The following MSI2 variants were observed in gnomAD, a reference collection of about 807,000 sequenced individuals.
MSI2 encodes the protein musashi RNA binding protein 2, also known as RNA-binding protein Musashi homolog 2.
Under a neutral mutation model 45.6 loss-of-function variants are expected in MSI2, and 17 were observed. The observed-to-expected ratio is 0.37, with a 90% CI of 0.26 to 0.56. The LOEUF is 0.56. Among genes scored for constraint, MSI2 ranks in the 20% least tolerant of loss-of-function variants. MSI2 has a pLI of 0.77. For synonymous variants in MSI2, 156 were observed against 158.2 expected (o/e 0.99, Z 0.11); for missense variants, 293 against 444.2 (o/e 0.66, Z 3.06).
chr17:57,331,649 T>C (rs1233958121), intron 5 of MSI2, among the ~76,000 whole-genome samples: 1 of 152,198 alleles, frequency 6.6e-6, no homozygotes, highest in Non-Finnish European at 1.5e-5. Flanking sequence ...CTGCATTTCA[T>C]GTGACCGGCA....
chr17:57,417,279 G>T (rs916356187), intron 6 of MSI2, among the ~76,000 whole-genome samples: 1 of 152,170 alleles, frequency 6.6e-6, no homozygotes, highest in Non-Finnish European at 1.5e-5. Flanking sequence ...AGAGGAGGAA[G>T]CCCAGAGTGT....
chr17:57,422,744 C>T (rs571677615), intron 6 of MSI2, among the ~76,000 whole-genome samples: 7 of 152,306 alleles, frequency 4.6e-5, no homozygotes, highest in East Asian at 3.9e-4. Context: ...ATCAGTACAG[C>T]GTAAATCACC....
In MSI2 at chr17:57,256,625, G is replaced by T. The variant is rs1462484920; in HGVS notation, c.-118G>T. ...GAGAGATTCGGAGGAGCCCGGGCGG[G>T]GGGGAGGAGGAGGGGGAGGAGGGAG... On this transcript the variant is annotated 5_prime_UTR_variant, in exon 1 of 14. Coordinates refer to ENST00000284073, the MANE Select transcript of MSI2 (RefSeq NM_138962.4). The T allele has an allele frequency of 4.4e-6, 2 of 456,214 alleles. No homozygotes were observed. The highest frequency in any genetic ancestry group is 8.8e-5 in the Admixed American group (2 of 22,850). 28.3% of individuals were successfully genotyped at this position (456,214 alleles called of 1,614,324 possible).
intron 4 of MSI2, among the ~76,000 whole-genome samples, chr17:57,260,881 C>T (rs909816191): frequency 6.6e-6 from 1 of 151,638 alleles, no homozygotes; most frequent in Admixed American, 6.6e-5. Flanking sequence ...CCACTCCCCA[C>T]CCCCACCTCC....
At chr17:57,322,150 A>G (rs2178020) in intron 5 of MSI2, among the ~76,000 whole-genome samples, 125,120 of 152,134 alleles carry the variant, frequency 0.82, 51,475 homozygotes, top group Middle Eastern at 0.9. Flanking sequence ...TGTCATGTTT[A>G]TAGCTGTCCC....
chr17:57,322,437 A>G (rs73325403), intron 5 of MSI2, among the ~76,000 whole-genome samples: 8,543 of 152,258 alleles, frequency 0.056, 840 homozygotes, highest in African/African-American at 0.19. Context: ...ATGGAAATTT[A>G]AGTCAATGAC....
intron 13 of MSI2, among the ~76,000 whole-genome samples, chr17:57,678,132 C>T (rs1018477144): frequency 5.9e-5 from 9 of 152,182 alleles, no homozygotes; most frequent in Non-Finnish European, 8.8e-5. Context: ...ATGCCTCTCT[C>T]GTAGAGAGGG....
intron 5 of MSI2, among the ~76,000 whole-genome samples, chr17:57,340,346 C>G (rs1460784570): frequency 6.6e-6 from 1 of 152,190 alleles, no homozygotes; most frequent in Non-Finnish European, 1.5e-5. Flanking sequence ...GCCAAAGGTT[C>G]ATTTCCCAGA....
intron 7 of MSI2, among the ~76,000 whole-genome samples, chr17:57,582,322 T>C (rs1250598209): frequency 1.3e-5 from 2 of 152,184 alleles, no homozygotes; most frequent in Non-Finnish European, 2.9e-5. Flanking sequence ...TACCTGATTT[T>C]TAATTTATAT....
intron 4 of MSI2, among the ~76,000 whole-genome samples, chr17:57,259,097 A>G (rs1907079562): frequency 1.3e-5 from 2 of 152,130 alleles, no homozygotes; most frequent in Non-Finnish European, 2.9e-5. Flanking sequence ...TCTGTATATA[A>G]CAATACATTT....
Position 57,256,718 on chromosome 17 carries a change from G to A in MSI2, c.-25G>A. On this transcript the variant is annotated 5_prime_UTR_variant, in exon 1 of 14. Transcript: ENST00000284073. ...TCGCTGTGGGGCTTGGTTTTTTGGG[G>A]GTGGGGGGGCGGGGGGGCTCAGATA... 1.5e-6 allele frequency: 1 copy of A among 687,044 alleles called. No individual in the cohort carries two copies. The highest frequency in any genetic ancestry group is 2.1e-6 in the Non-Finnish European group (1 of 486,032). The allele number at this position is 687,044 out of a possible 1,614,324, so 42.6% of individuals were successfully genotyped here.
chr17:57,674,691 C>G (rs1287957510), intron 11 of MSI2, among the ~76,000 whole-genome samples: 1 of 151,874 alleles, frequency 6.6e-6, no homozygotes, highest in African/African-American at 2.4e-5. Context: ...GGTTGGTTGC[C>G]GTAGTGTGTT....
At position 57,677,004 on chromosome 17, in the gene MSI2, G is replaced by A. The variant is rs757864886; in HGVS notation, c.963G>A (p.Thr321=). ...AATTTTAGGGACCTTTGATTGCAAC[G>A]GCCTTTACAAATGGATACCATTGAG... ...GHGIAGPLIA[T]AFTNGYH is the part of the protein sequence containing the mutation. Residue 321 remains threonine, a synonymous_variant, in exon 13 of 14, where the codon ACG becomes ACA. Coordinates refer to ENST00000284073, the MANE Select transcript of MSI2 (RefSeq NM_138962.4). 35 of 1,613,068 alleles carry A rather than the reference G, an allele frequency of 2.2e-5. No individual in the cohort carries two copies. The highest frequency in any genetic ancestry group is 1.2e-4 in the Admixed American group (7 of 60,000).
chr17:57,617,592 T>G (rs1342438690), intron 9 of MSI2, among the ~76,000 whole-genome samples: 1 of 152,030 alleles, frequency 6.6e-6, no homozygotes, highest in Non-Finnish European at 1.5e-5. Context: ...GGTCTTTATG[T>G]TTTATATCAA....
chr17:57,587,637 C>T (rs938569782), intron 7 of MSI2, among the ~76,000 whole-genome samples: 1 of 151,272 alleles, frequency 6.6e-6, no homozygotes, highest in Non-Finnish European at 1.5e-5. Flanking sequence ...CCTGATTAAG[C>T]GTGTGGGGGA....
At chr17:57,486,133 C>T (rs2085750227) in intron 6 of MSI2, among the ~76,000 whole-genome samples, 1 of 152,350 alleles carries the variant, frequency 6.6e-6, no homozygotes, top group African/African-American at 2.4e-5. Context: ...TTTGAACACC[C>T]ACGTGAGTAG....
At chr17:57,387,148 G>C (rs868137917) in intron 5 of MSI2, among the ~76,000 whole-genome samples, 4 of 152,194 alleles carry the variant, frequency 2.6e-5, no homozygotes, top group African/African-American at 9.7e-5. Context: ...TGGGTTGGGC[G>C]CATTGGGGAA....
chr17:57,474,425 G>A (rs1187899706), intron 6 of MSI2, among the ~76,000 whole-genome samples: 1 of 152,126 alleles, frequency 6.6e-6, no homozygotes, highest in Admixed American at 6.6e-5. Context: ...CACTACTGAC[G>A]TTGGGGGCCA....
chr17:57,330,924 G>T (rs146215041), intron 5 of MSI2, among the ~76,000 whole-genome samples: 42,900 of 143,296 alleles, frequency 0.3, 10,129 homozygotes, highest in African/African-American at 0.68. Flanking sequence ...TTTTTTGTGT[G>T]TGTGACGGAG....
Sources: gnomAD v4.1 joint callset for allele counts (sites outside exome capture counted in the v4.1 genomes callset) on GRCh38, gnomAD v4.1.1 for gene constraint, MANE v1.5 for transcripts, NCBI Gene and HGNC (gene_info 2026-07-23, HGNC 2026-07-21) for gene names.